The following WWOX variants were observed in gnomAD, a reference collection of about 807,000 sequenced individuals.
WWOX encodes the protein WW domain-containing oxidoreductase.
Under a neutral mutation model 46.2 loss-of-function variants are expected in WWOX, and 69 were observed. That is an observed-to-expected ratio of 1.49 (90% CI 1.23 to 1.82). The LOEUF (loss-of-function observed/expected upper bound fraction) is 1.82, where lower values mean the gene tolerates loss of function less well. Among genes scored for constraint, WWOX ranks in the 40% most tolerant of loss-of-function variants. WWOX has a pLI of 0.00. For synonymous variants in WWOX, 359 were observed against 202.6 expected (o/e 1.77, Z -6.56); for missense variants, 919 against 542.6 (o/e 1.69, Z -6.89).
intron 8 of WWOX, among the ~76,000 whole-genome samples, chr16:78,971,198 C>T (rs893304045): frequency 2.0e-5 from 3 of 152,004 alleles, no homozygotes; most frequent in African/African-American, 7.3e-5. Context: ...CGGTGGCCTA[C>T]ACCTGTAATC....
chr16:78,780,641 T>G (rs2050302464), intron 8 of WWOX, among the ~76,000 whole-genome samples: 1 of 152,104 alleles, frequency 6.6e-6, no homozygotes, highest in South Asian at 2.1e-4. Flanking sequence ...AGGTGATGTT[T>G]GAACTTAAGA....
At chr16:78,887,077 GGTGTGTGTGTGTGTGT>G (rs749992495) in intron 8 of WWOX, among the ~76,000 whole-genome samples, 4,967 of 61,036 alleles carry the variant, frequency 0.081, 180 homozygotes, top group Non-Finnish European at 0.12. Flanking sequence ...GTGTGTGTGT[GGTGTGTGTGTGTGTGT>G]GTGTGTGTGT....
At chr16:78,254,290 G>T (rs904249944) in intron 5 of WWOX, among the ~76,000 whole-genome samples, 1 of 151,798 alleles carries the variant, frequency 6.6e-6, no homozygotes, top group Admixed American at 6.6e-5. Context: ...TCATTATGTT[G>T]CCAGGGCTAG....
At chr16:78,729,037 C>G (rs761497624) in intron 8 of WWOX, among the ~76,000 whole-genome samples, 2 of 152,070 alleles carry the variant, frequency 1.3e-5, no homozygotes, top group African/African-American at 4.8e-5. Flanking sequence ...TCCCGCCCCA[C>G]CAAAGATATC....
chr16:78,254,424 C>T (rs1052875557), intron 5 of WWOX, among the ~76,000 whole-genome samples: 1 of 150,998 alleles, frequency 6.6e-6, no homozygotes, highest in Non-Finnish European at 1.5e-5. Context: ...CCCACCCCAC[C>T]CCAGAAAATC....
chr16:79,098,319 A>G (rs777210890), intron 8 of WWOX, among the ~76,000 whole-genome samples: 4 of 152,208 alleles, frequency 2.6e-5, no homozygotes, highest in Non-Finnish European at 4.4e-5. Flanking sequence ...TGAGACAGAC[A>G]GTGGGGATTG....
At chr16:78,788,083 A>C (rs1460750776) in intron 8 of WWOX, among the ~76,000 whole-genome samples, 1 of 152,130 alleles carries the variant, frequency 6.6e-6, no homozygotes, top group East Asian at 1.9e-4. Context: ...ATTTTCTCTC[A>C]ATCTATGGGT....
intron 8 of WWOX, among the ~76,000 whole-genome samples, chr16:78,933,636 A>C (rs779004151): frequency 1.5e-4 from 23 of 152,144 alleles, no homozygotes; most frequent in Non-Finnish European, 2.8e-4. Context: ...AGTTTATTGG[A>C]CTTACAGTTC....
At chr16:78,947,326 T>C (rs2045968860) in intron 8 of WWOX, among the ~76,000 whole-genome samples, 2 of 152,194 alleles carry the variant, frequency 1.3e-5, no homozygotes, top group South Asian at 2.1e-4. Context: ...TGTCATTAGC[T>C]TCAAACACCA....
chr16:78,737,168 C>G (rs970377693), intron 8 of WWOX, among the ~76,000 whole-genome samples: 1 of 151,676 alleles, frequency 6.6e-6, no homozygotes, highest in African/African-American at 2.4e-5. Context: ...GGTATGATCT[C>G]GGCTCACTAC....
At chr16:78,603,164 G>T (rs1247596742) in intron 8 of WWOX, among the ~76,000 whole-genome samples, 1 of 152,166 alleles carries the variant, frequency 6.6e-6, no homozygotes, top group Non-Finnish European at 1.5e-5. Context: ...GCTGTTTTAT[G>T]CACATCATCT....
chr16:78,438,095 A>C (rs918244830), intron 8 of WWOX, among the ~76,000 whole-genome samples: 2 of 152,178 alleles, frequency 1.3e-5, no homozygotes, highest in African/African-American at 4.8e-5. Context: ...TTAGAATCCT[A>C]CCACACTTCC....
At chr16:78,910,742 A>T (rs993093252) in intron 8 of WWOX, among the ~76,000 whole-genome samples, 1 of 151,820 alleles carries the variant, frequency 6.6e-6, no homozygotes, top group African/African-American at 2.4e-5. Flanking sequence ...AAACCATCAG[A>T]TCTCGTGGGA....
At chr16:78,397,630 A>C (rs73571011) in intron 6 of WWOX, among the ~76,000 whole-genome samples, 2,228 of 152,320 alleles carry the variant, frequency 0.015, 54 homozygotes, top group African/African-American at 0.051. Flanking sequence ...ATTGTTTCTA[A>C]AGGAGATTTG....
chr16:78,876,787 A>T (rs1454140490), intron 8 of WWOX, among the ~76,000 whole-genome samples: 4 of 152,154 alleles, frequency 2.6e-5, no homozygotes, highest in East Asian at 1.9e-4. Context: ...AATGCCTTAA[A>T]CACCTCATCT....
At chr16:79,186,443 C>G (rs1487876913) in intron 8 of WWOX, among the ~76,000 whole-genome samples, 4 of 152,166 alleles carry the variant, frequency 2.6e-5, no homozygotes, top group African/African-American at 9.7e-5. Context: ...CTGCGTCTGT[C>G]CTCCCACGGC....
intron 5 of WWOX, among the ~76,000 whole-genome samples, chr16:78,357,780 T>C (rs1872919822): frequency 6.6e-6 from 1 of 152,204 alleles, no homozygotes; most frequent in Non-Finnish European, 1.5e-5. Context: ...TCTTGCTGGG[T>C]ATGTGTAATT....
chr16:78,845,068 C>A (rs1021526328), intron 8 of WWOX, among the ~76,000 whole-genome samples: 1 of 151,996 alleles, frequency 6.6e-6, no homozygotes, highest in Non-Finnish European at 1.5e-5. Flanking sequence ...AACCTTCATT[C>A]CAAAGGGTCG....
chr16:78,946,532 A>C lies in WWOX; in HGVS notation c.1057-265076A>C, dbSNP rs8054914. ...AAATAGTCAAGAAGTTTCTAGATGC[A>C]CACAAAATGACCAAACCAGTCTTTC... On this transcript the variant is annotated intron_variant, in intron 8 of 8. Transcript: ENST00000566780. Among the ~76,000 whole-genome samples the C allele has an allele frequency of 3.3e-5, 5 of 152,134 alleles. No homozygotes were observed. The South Asian group carries it at 1.0e-3, about 32-fold the overall frequency.
Sources: gnomAD v4.1 joint callset for allele counts (sites outside exome capture counted in the v4.1 genomes callset) on GRCh38, gnomAD v4.1.1 for gene constraint, MANE v1.5 for transcripts, NCBI Gene and HGNC (gene_info 2026-07-23, HGNC 2026-07-21) for gene names.